The following ULK2 variants were observed in gnomAD, a reference collection of about 807,000 sequenced individuals.
The protein encoded by ULK2 is serine/threonine-protein kinase ULK2.
ULK2 carries 76 observed loss-of-function variants against 127.5 expected under a neutral mutation model. That is an observed-to-expected ratio of 0.60 (90% CI 0.50 to 0.72). ULK2 has a LOEUF of 0.72. Ranked by LOEUF, ULK2 falls within the 30% of genes least tolerant of loss-of-function variation. The probability of loss-of-function intolerance (pLI) is 0.00; values close to 1 mark genes in which losing one functional copy is unlikely to be tolerated. For missense variants in ULK2, 1,144 were observed against 1,295.9 expected (o/e 0.88, Z 1.80); for synonymous variants, 452 against 461.9 (o/e 0.98, Z 0.28).
At chr17:19,846,267 A>C (rs1271007440) in intron 6 of ULK2, among the ~76,000 whole-genome samples, 9 of 152,174 alleles carry the variant, frequency 5.9e-5, no homozygotes, top group South Asian at 4.1e-4. Flanking sequence ...GACTTGGCAG[A>C]AACTGTCAAT....
chr17:19,799,472 A>G, intron 17 of ULK2, 23 bp downstream of exon 17: 1 of 1,515,156 alleles, frequency 6.6e-7, no homozygotes, highest in Non-Finnish European at 8.8e-7. Flanking sequence ...CAAATTATTA[A>G]TAAACCAAAT....
In ULK2 at chr17:19,777,609, G is replaced by A; in HGVS notation, c.3024C>T (p.Asp1008=). Residue 1008 remains aspartate (D), a synonymous_variant, in exon 26 of 27, where the codon GAC becomes GAT. Transcript: ENST00000395544. The part of the protein sequence containing the change: ...LLEGLSRILQ[D]PADIENVHKY... ...TATGCACATTTTCAATATCTGCAGG[G>A]TCCTGTAGAATCCTACTTAGGCCTT... The A allele has an allele frequency of 6.2e-7, 1 of 1,612,928 alleles. No homozygotes were observed. The highest frequency in any genetic ancestry group is 8.5e-7 in the Non-Finnish European group (1 of 1,179,730).
At chr17:19,800,128 C>T (rs537576562) in intron 16 of ULK2, among the ~76,000 whole-genome samples, 1 of 152,324 alleles carries the variant, frequency 6.6e-6, no homozygotes, top group South Asian at 2.1e-4. Context: ...GAGACTCTTC[C>T]TGGCCAGCTC....
intron 3 of ULK2, among the ~76,000 whole-genome samples, chr17:19,864,059 C>A (rs1450372075): frequency 6.6e-6 from 1 of 152,170 alleles, no homozygotes; most frequent in Non-Finnish European, 1.5e-5. Context: ...GTAATCCCAG[C>A]ACTTTGAGAG....
chr17:19,816,087 G>A (rs1396411605), intron 13 of ULK2, among the ~76,000 whole-genome samples: 3 of 152,162 alleles, frequency 2.0e-5, no homozygotes, highest in African/African-American at 7.2e-5. Context: ...AGCACTAGAC[G>A]AACAACTAAA....
In ULK2 at chr17:19,776,412, A is replaced by C; in HGVS notation, c.3053-5T>G. 1 of 1,584,338 alleles carries C rather than the reference A, an allele frequency of 6.3e-7. No individual in the cohort carries two copies. The highest frequency in any genetic ancestry group is 8.6e-7 in the Non-Finnish European group (1 of 1,165,518). On this transcript the variant is annotated splice_region_variant and splice_polypyrimidine_tract_variant and intron_variant, in intron 26 of 26. Transcript: ENST00000395544. ...TTCTCTCAATACTACATTTATCTAG[A>C]AATAAAATAACAAAAATGAAGAACT...
intron 10 of ULK2, among the ~76,000 whole-genome samples, chr17:19,837,584 C>A (rs551747096): frequency 3.9e-4 from 60 of 152,272 alleles, no homozygotes; most frequent in African/African-American, 1.4e-3. Flanking sequence ...CTCATCTTGT[C>A]CCCATAGCCT....
chr17:19,792,820 CT>C (rs1177957212), intron 20 of ULK2, among the ~76,000 whole-genome samples: 3 of 151,998 alleles, frequency 2.0e-5, no homozygotes, highest in East Asian at 1.9e-4. Context: ...CAAGGCACCC[CT>C]AATAACCAAA....
At chr17:19,796,674 A>C (rs901592035) in intron 18 of ULK2, among the ~76,000 whole-genome samples, 2 of 152,194 alleles carry the variant, frequency 1.3e-5, no homozygotes, top group African/African-American at 4.8e-5. Context: ...CAGCACCAGC[A>C]TGTCAGGGCT....
At position 19,780,958 on chromosome 17, in the gene ULK2, T is replaced by C. The variant is rs780036245; in HGVS notation, c.2758+28A>G. ...AAAGAGCAACTTAAGGACTGACCCC[T>C]GGAGTTACACGCTGCCTTCTCCCAT... On this transcript the variant is annotated intron_variant, in intron 24 of 26. Coordinates refer to ENST00000395544, the MANE Select transcript of ULK2 (RefSeq NM_014683.4). 1.2e-5 allele frequency: 20 copies of C among 1,601,098 alleles called. No individual in the cohort carries two copies. In the Admixed American group the frequency reaches 1.7e-4, roughly 13 times the overall value.
At position 19,771,236 on chromosome 17, in the gene ULK2, C is replaced by A. The variant is rs765972850; in HGVS notation, c.*5113G>T. 7 of 152,140 alleles carry A rather than the reference C, an allele frequency of 4.6e-5. No individual in the cohort carries two copies. The highest frequency in any genetic ancestry group is 1.0e-4 in the Non-Finnish European group (7 of 68,022). 9.4% of individuals were successfully genotyped at this position (152,140 alleles called of 1,614,324 possible). A position where few individuals can be genotyped will look rare whatever the true frequency, so the allele number is the denominator to read the frequency against. The stretch of plus-strand genomic sequence containing the variant: ...GGCTTTTCCTTGTGGAAATTACTGT[C>A]CAAGTTTGATTTTTCCATCTGTAAA... On this transcript the variant is annotated 3_prime_UTR_variant, in exon 27 of 27. Coordinates refer to ENST00000395544, the MANE Select transcript of ULK2 (RefSeq NM_014683.4).
intron 5 of ULK2, among the ~76,000 whole-genome samples, 169 bp from the exon 6 acceptor site, chr17:19,847,079 C>G (rs1401497839): frequency 1.3e-5 from 2 of 152,120 alleles, no homozygotes; most frequent in Admixed American, 6.5e-5. Flanking sequence ...GAAGAGATAT[C>G]AGATTTCTCA....
Position 19,796,174 on chromosome 17 carries a change from G to A in ULK2, c.1918C>T (p.Arg640Trp), listed in dbSNP as rs1206177650. 7 of 1,614,050 alleles carry A rather than the reference G, an allele frequency of 4.3e-6. No homozygotes were observed. Among genetic ancestry groups the A allele is most frequent in the African/African-American group, 2.7e-5 (2 of 74,912 alleles). ...ACTAAGAGGCAATGGGCACATTCCC[G>A]TGGCTCATTCCCATCTTTCGACTGT... ...EEQSKDGNEP[R>W]ECAHCLLVQG... The change falls in exon 19 of 27, where the codon CGG becomes TGG. Residue 640 changes from arginine (R) to tryptophan (W), a missense_variant. Physicochemically the swap from Arg to Trp is moderately radical, Grantham distance 101. Around this residue, in one of 2 missense-constraint regions of ULK2, gnomAD observed 913 missense variants for 970.5 expected, o/e 0.94. Coordinates refer to ENST00000395544, the MANE Select transcript of ULK2 (RefSeq NM_014683.4).
At position 19,796,409 on chromosome 17, in the gene ULK2, A is replaced by C. The variant is rs2087274080; in HGVS notation, c.1810-127T>G. The stretch of plus-strand genomic sequence containing the variant: ...AGGAGATAGGTCGGGTGGTGGGAAA[A>C]ATTGTAGAAAGATGCAAACCTTCTT... On this transcript the variant is annotated intron_variant, in intron 18 of 26. Coordinates refer to ENST00000395544, the MANE Select transcript of ULK2 (RefSeq NM_014683.4). 4 of 887,384 alleles carry C rather than the reference A, an allele frequency of 4.5e-6. No individual in the cohort carries two copies. The African/African-American group carries it at 5.2e-5, about 11-fold the overall frequency. The allele number at this position is 887,384 out of a possible 1,614,324, so 55.0% of individuals were successfully genotyped here.
chr17:19,863,319 AT>A (rs1352034840), intron 3 of ULK2, among the ~76,000 whole-genome samples: 1 of 152,092 alleles, frequency 6.6e-6, no homozygotes, highest in Non-Finnish European at 1.5e-5. Context: ...TAACATATAC[AT>A]TTACCTTACC....
At chr17:19,825,282 C>A in intron 11 of ULK2, 100 bp from the exon 12 acceptor site, 1 of 948,884 alleles carries the variant, frequency 1.1e-6, no homozygotes, top group Non-Finnish European at 1.6e-6. Flanking sequence ...TTTGTGTTCC[C>A]CCAAAATCTG....
intron 10 of ULK2, among the ~76,000 whole-genome samples, chr17:19,832,065 T>C (rs1467136673): frequency 6.6e-6 from 1 of 151,192 alleles, no homozygotes; most frequent in South Asian, 2.1e-4. Flanking sequence ...TGGATGGAGG[T>C]TGCAGTGAGC....
intron 12 of ULK2, among the ~76,000 whole-genome samples, chr17:19,820,049 AT>A (rs199698459): frequency 5.3e-4 from 26 of 49,020 alleles, no homozygotes; most frequent in South Asian, 5.9e-4. Flanking sequence ...CTGCAACTTT[AT>A]TTATTTTTTT....
intron 8 of ULK2, among the ~76,000 whole-genome samples, chr17:19,842,664 G>A (rs2041793176): frequency 6.6e-6 from 1 of 152,056 alleles, no homozygotes; most frequent in Admixed American, 6.6e-5. Flanking sequence ...GGATGTTGGG[G>A]GAGAGGAGGA....
Sources: allele counts gnomAD v4.1 joint callset (sites outside exome capture counted in the v4.1 genomes callset), GRCh38; gene constraint gnomAD v4.1.1; regional missense constraint gnomAD v4.1.1; transcripts MANE v1.5; gene names NCBI Gene and HGNC (gene_info 2026-07-23, HGNC 2026-07-21).